PKNOX1: variants seen among roughly 807,000 people sequenced by gnomAD.
The protein encoded by PKNOX1 is homeobox protein PKNOX1.
PKNOX1 carries 15 observed loss-of-function variants against 51.9 expected under a neutral mutation model. That is an observed-to-expected ratio of 0.29 (90% CI 0.19 to 0.45). The LOEUF (loss-of-function observed/expected upper bound fraction) is 0.45. Among genes scored for constraint, PKNOX1 ranks in the 20% least tolerant of loss-of-function variants. The pLI, the probability that PKNOX1 is intolerant of heterozygous loss-of-function variation, is 1.00. For missense variants in PKNOX1, 462 were observed against 547.5 expected, an observed-to-expected ratio of 0.84 and a Z score of 1.56; for synonymous variants, 219 against 211.1, an observed-to-expected ratio of 1.04 and a Z score of -0.32.
intron 1 of PKNOX1, among the ~76,000 whole-genome samples, chr21:42,975,351 C>T (rs1429840590): frequency 6.6e-6 from 1 of 151,832 alleles, no homozygotes; most frequent in Non-Finnish European, 1.5e-5. Context: ...GGGAGCAGCC[C>T]AGGGCCGCTC....
In PKNOX1 at chr21:42,984,780, C is replaced by T. The variant is rs919313418; in HGVS notation, c.-57+10116C>T. Among the ~76,000 whole-genome samples, 21 of 151,996 alleles carry T rather than the reference C, an allele frequency of 1.4e-4. 1 individual carries two copies. The highest frequency in any genetic ancestry group is 3.4e-3 in the Middle Eastern group (1 of 294). On this transcript the variant is annotated intron_variant, in intron 1 of 10. Transcript: ENST00000291547. ...TTGATACTTTCTGTGTTTTGCCATC[C>T]GAAAGCTGGAGTCCCTCTGACCCAC...
intron 1 of PKNOX1, among the ~76,000 whole-genome samples, chr21:42,977,505 A>G (rs1161647513): frequency 6.8e-6 from 1 of 147,000 alleles, no homozygotes; most frequent in Non-Finnish European, 1.5e-5. Context: ...TTCTTTCCTT[A>G]AACCTCATGA....
chr21:43,021,082 C>G lies in PKNOX1; in HGVS notation c.721-221C>G, dbSNP rs898544500. ...CGTGACTGCACCACTGCACTCCAGC[C>G]TGAGTGACAGAGCAAGATCCTGTCT... On this transcript the variant is annotated intron_variant, in intron 7 of 10. Transcript: ENST00000291547. The surrounding 1 kb of genome is among the most constrained non-coding windows in gnomAD (Gnocchi z 4.6). 12 of 334,980 alleles carry G rather than the reference C, an allele frequency of 3.6e-5. No homozygotes were observed. Among genetic ancestry groups the G allele is most frequent in the Non-Finnish European group, 5.1e-5 (9 of 177,172 alleles). The allele number at this position is 334,980 out of a possible 1,614,324, so 20.8% of individuals were successfully genotyped here. A position where few individuals can be genotyped will look rare whatever the true frequency, so the allele number is the denominator to read the frequency against.
intron 2 of PKNOX1, among the ~76,000 whole-genome samples, chr21:43,005,431 GT>G (rs11390731): frequency 6.7e-6 from 1 of 150,292 alleles, no homozygotes; most frequent in Non-Finnish European, 1.5e-5. Context: ...TGGTGTTAGT[GT>G]TTTTTTTTCT....
chr21:42,986,171 T>C (rs920306916), intron 1 of PKNOX1, among the ~76,000 whole-genome samples: 2 of 152,104 alleles, frequency 1.3e-5, no homozygotes, highest in Non-Finnish European at 2.9e-5. Context: ...TATTTGAATA[T>C]TACACTTCAA....
chr21:42,975,989 G>A (rs1479636004), intron 1 of PKNOX1, among the ~76,000 whole-genome samples: 2 of 152,206 alleles, frequency 1.3e-5, no homozygotes, highest in Non-Finnish European at 2.9e-5. Context: ...TGATGCTCTT[G>A]CATTTAGTCA....
chr21:43,025,855 G>A (rs559038146), intron 9 of PKNOX1, among the ~76,000 whole-genome samples: 4 of 152,300 alleles, frequency 2.6e-5, no homozygotes, highest in Admixed American at 2.0e-4. Flanking sequence ...TCGTGTGTGC[G>A]GGAGGTATGC....
chr21:43,010,053 G>T lies in PKNOX1; in HGVS notation c.180G>T (p.Arg60Ser). Residue 60 changes from arginine to serine, a missense_variant and splice_region_variant, in exon 4 of 11, where the codon AGG (arginine) becomes AGT (serine). Around this residue, in one of 5 missense-constraint regions of PKNOX1, gnomAD observed 129 missense variants for 133.4 expected, o/e 0.97. Coordinates refer to ENST00000291547, the MANE Select transcript of PKNOX1 (RefSeq NM_004571.5). ...PMDVDKQAIY[R>S]HPLFPLLALL... ...ATTCTTTTTTTTCTTTTCTCCTCAG[G>T]CATCCACTATTTCCATTATTAGCTT... The T allele has an allele frequency of 1.9e-6, 3 of 1,546,144 alleles. No individual in the cohort carries two copies. Among genetic ancestry groups the T allele is most frequent in the South Asian group, 1.3e-5 (1 of 79,888 alleles).
intron 7 of PKNOX1, among the ~76,000 whole-genome samples, chr21:43,019,569 G>A (rs1979664471): frequency 6.6e-6 from 1 of 151,966 alleles, no homozygotes; most frequent in Admixed American, 6.6e-5. Flanking sequence ...CTGAGACGAA[G>A]TCTCACTCTG....
At chr21:42,997,039 C>G (rs1434132543) in intron 1 of PKNOX1, among the ~76,000 whole-genome samples, 1 of 152,036 alleles carries the variant, frequency 6.6e-6, no homozygotes. Context: ...TGCCACCATG[C>G]CCAGCTCATT....
Position 43,016,993 on chromosome 21 carries a change from T to G in PKNOX1, c.608T>G (p.Met203Arg). 6.2e-7 allele frequency: 1 copy of G among 1,611,492 alleles called. No individual in the cohort carries two copies. The highest frequency in any genetic ancestry group is 8.5e-7 in the Non-Finnish European group (1 of 1,179,036). ...ASALQQGNVA[M>R]ATVAGGTVYQ... is the part of the protein sequence containing the mutation. The stretch of plus-strand genomic sequence containing the variant: ...GCGCTGCAGCAGGGAAACGTAGCCA[T>G]GGCGACGGTGGCAGGTACGATGACA... The change falls in exon 6 of 11, where the codon ATG (methionine) becomes AGG (arginine). Residue 203 changes from methionine to arginine, a missense_variant. By Grantham distance (91) the Met-to-Arg change is moderately conservative. Coordinates refer to ENST00000291547, the MANE Select transcript of PKNOX1 (RefSeq NM_004571.5).
At position 43,004,581 on chromosome 21, in the gene PKNOX1, A is replaced by AC. The variant is rs936401066; in HGVS notation, c.51+149_51+150insC. 1.6e-5 allele frequency: 10 copies of AC among 624,670 alleles called. 1 individual carries two copies. The highest frequency in any genetic ancestry group is 2.9e-5 in the Non-Finnish European group (10 of 348,300). The allele number at this position is 624,670 out of a possible 1,614,324, so 38.7% of individuals were successfully genotyped here. On this transcript the variant is annotated intron_variant, in intron 2 of 10. Transcript: ENST00000291547. ...CATTTATTGTACATTCGTGTTCAGA[A>AC]AAAAAGCCATAGAATAATACTATTT...
intron 1 of PKNOX1, among the ~76,000 whole-genome samples, chr21:42,997,278 T>C (rs1289284506): frequency 6.6e-6 from 1 of 152,226 alleles, no homozygotes; most frequent in East Asian, 1.9e-4. Flanking sequence ...TCCACAGGAC[T>C]AGTGCTATGC....
Position 43,006,918 on chromosome 21 carries a change from A to C in PKNOX1, c.52-573A>C, listed in dbSNP as rs545680208. On this transcript the variant is annotated intron_variant, in intron 2 of 10. Transcript: ENST00000291547. ...TAACGATTTAAATGTTTTTTACCTA[A>C]ATGACAAAGGCATTGCTTGTTTAAA... 5.3e-5 allele frequency among the ~76,000 whole-genome samples: 8 copies of C among 152,266 alleles called. No homozygotes were observed. In the South Asian group the frequency reaches 6.2e-4, roughly 12 times the overall value.
At position 43,021,713 on chromosome 21, in the gene PKNOX1, A is replaced by T. The variant is rs1979764312; in HGVS notation, c.849+282A>T. Among the ~76,000 whole-genome samples the T allele has an allele frequency of 6.6e-6, 1 of 152,152 alleles. No homozygotes were observed. Among genetic ancestry groups the T allele is most frequent in the East Asian group, 1.9e-4 (1 of 5,196 alleles). ...GGTGATGGGGTCAGGTGAGCCAGAAAAGTGGGCAGAGAAGGGATGTTCTTG... is the reference window on the plus strand; with the variant it reads ...GGTGATGGGGTCAGGTGAGCCAGAATAGTGGGCAGAGAAGGGATGTTCTTG... On this transcript the variant is annotated intron_variant, in intron 8 of 10. Transcript: ENST00000291547. The surrounding 1 kb of genome is among the most constrained non-coding windows in gnomAD (Gnocchi z 4.6).
chr21:43,000,438 A>C (rs1395046145), intron 1 of PKNOX1, among the ~76,000 whole-genome samples: 1 of 152,224 alleles, frequency 6.6e-6, no homozygotes, highest in Admixed American at 6.5e-5. Context: ...AGGCAAAGAG[A>C]GGAGAGCATG....
chr21:42,987,404 A>AAAAATATATATATATATATATAT, intron 1 of PKNOX1, among the ~76,000 whole-genome samples: 6 of 41,408 alleles, frequency 1.4e-4, no homozygotes, highest in Admixed American at 3.1e-4. Flanking sequence ...AAAAAAAAAA[A>AAAAATATATATATATATATATAT]ATATATATAT....
chr21:43,027,260 G>A (rs930433530), intron 9 of PKNOX1, among the ~76,000 whole-genome samples: 7 of 152,214 alleles, frequency 4.6e-5, no homozygotes, highest in African/African-American at 7.2e-5. Context: ...CTGCTTTTGC[G>A]TTAGGTTGGG....
intron 8 of PKNOX1, among the ~76,000 whole-genome samples, chr21:43,023,815 C>T (rs928888177): frequency 6.6e-6 from 1 of 151,878 alleles, no homozygotes; most frequent in South Asian, 2.1e-4. Flanking sequence ...AAGGTTTCAC[C>T]GTGTTAGCCA....
Sources: allele counts gnomAD v4.1 joint callset (sites outside exome capture counted in the v4.1 genomes callset), GRCh38; gene constraint gnomAD v4.1.1; regional missense constraint gnomAD v4.1.1; non-coding constraint Gnocchi (gnomAD v3.1); transcripts MANE v1.5; gene names NCBI Gene and HGNC (gene_info 2026-07-23, HGNC 2026-07-21).